Variants in GRM7 observed in about 807,000 individuals in gnomAD.
GRM7 encodes metabotropic glutamate receptor 7.
GRM7 carries 35 observed loss-of-function variants against 84.5 expected under a neutral mutation model. That is an observed-to-expected ratio of 0.41 (90% CI 0.32 to 0.55). GRM7 has a LOEUF of 0.55. Ranked by LOEUF, GRM7 falls within the 20% of genes least tolerant of loss-of-function variation. The probability of loss-of-function intolerance (pLI) is 0.19; values close to 1 mark genes in which losing one functional copy is unlikely to be tolerated. For synonymous variants in GRM7, 487 were observed against 455.1 expected (o/e 1.07, Z -0.89); for missense variants, 1,003 against 1,194.6 (o/e 0.84, Z 2.36).
chr3:6,932,885 G>T (rs1375775845), intron 1 of GRM7, among the ~76,000 whole-genome samples: 2 of 146,374 alleles, frequency 1.4e-5, no homozygotes, highest in African/African-American at 5.0e-5. Context: ...CTCCTGAGTA[G>T]CTGGGATCAC....
At chr3:6,983,740 T>A (rs547891496) in intron 1 of GRM7, among the ~76,000 whole-genome samples, 1 of 152,244 alleles carries the variant, frequency 6.6e-6, no homozygotes, top group African/African-American at 2.4e-5. Flanking sequence ...GTAATAATAT[T>A]ATTTACAAAC....
At chr3:7,735,402 G>A (rs1448821876) in intron 9 of GRM7, among the ~76,000 whole-genome samples, 1 of 152,182 alleles carries the variant, frequency 6.6e-6, no homozygotes, top group Non-Finnish European at 1.5e-5. Flanking sequence ...AGGAGAGGGT[G>A]CAGACAGGAT....
rs979193214 is a variant in GRM7, at chr3:6,862,674, G to A, written c.519+767G>A. ...TCCTGCCACTTCAGACCTCAGCCCAGGGATGAGCTCACGCGAAACGAAATC... is the reference window on the plus strand; with the variant it reads ...TCCTGCCACTTCAGACCTCAGCCCAAGGATGAGCTCACGCGAAACGAAATC... On this transcript the variant is annotated intron_variant, in intron 1 of 9. Coordinates refer to ENST00000357716, the MANE Select transcript of GRM7 (RefSeq NM_000844.4). The surrounding 1 kb of genome is among the most constrained non-coding windows in gnomAD (Gnocchi z 5.2). The A allele has an allele frequency of 7.8e-5, 18 of 230,934 alleles. No individual in the cohort carries two copies. The highest frequency in any genetic ancestry group is 1.4e-4 in the Non-Finnish European group (18 of 124,602). The allele number at this position is 230,934 out of a possible 1,614,324, so 14.3% of individuals were successfully genotyped here. A position where few individuals can be genotyped will look rare whatever the true frequency, so the allele number is the denominator to read the frequency against.
chr3:7,611,267 A>C (rs142055699), intron 8 of GRM7, among the ~76,000 whole-genome samples: 46 of 152,310 alleles, frequency 3.0e-4, no homozygotes, highest in African/African-American at 1.0e-3. Flanking sequence ...AGTGAGTGCT[A>C]ATAATTATTA....
At chr3:7,532,792 C>T (rs1220676390) in intron 7 of GRM7, among the ~76,000 whole-genome samples, 1 of 37,878 alleles carries the variant, frequency 2.6e-5, no homozygotes, top group African/African-American at 1.0e-4. Context: ...ATTTACCAAG[C>T]AAAGGGAAAG....
chr3:7,719,106 G>A (rs1701855664), intron 9 of GRM7, among the ~76,000 whole-genome samples: 1 of 152,096 alleles, frequency 6.6e-6, no homozygotes, highest in Admixed American at 6.6e-5. Flanking sequence ...CCAAGGGTAT[G>A]GTGACTACCC....
At chr3:6,972,381 T>A (rs1018580890) in intron 1 of GRM7, among the ~76,000 whole-genome samples, 20 of 152,168 alleles carry the variant, frequency 1.3e-4, no homozygotes, top group African/African-American at 4.3e-4. Flanking sequence ...CGTCTTCTGA[T>A]AGAGCGCAGA....
intron 2 of GRM7, among the ~76,000 whole-genome samples, chr3:7,260,454 T>G (rs1287623868): frequency 1.3e-5 from 2 of 152,152 alleles, no homozygotes; most frequent in African/African-American, 4.8e-5. Flanking sequence ...GTCCAGGAAT[T>G]TATCCGTTTC....
Position 7,696,798 on chromosome 3 carries a change from G to A in GRM7, c.2698+16503G>A, listed in dbSNP as rs114920960. 7.8e-3 allele frequency among the ~76,000 whole-genome samples: 1,189 copies of A among 152,264 alleles called. 12 individuals are homozygous for A. Among genetic ancestry groups the A allele is most frequent in the African/African-American group, 0.027 (1,135 of 41,550 alleles). ...GGACTGAAGATGGCTATTTTTCAGC[G>A]ATCAGAAGTTTTATGTGAATCGTGA... is the stretch of plus-strand genomic sequence containing the variant. On this transcript the variant is annotated intron_variant, in intron 9 of 9. Coordinates refer to ENST00000357716, the MANE Select transcript of GRM7 (RefSeq NM_000844.4).
At chr3:7,144,550 T>C (rs1457615839) in intron 1 of GRM7, among the ~76,000 whole-genome samples, 1 of 152,148 alleles carries the variant, frequency 6.6e-6, no homozygotes, top group East Asian at 1.9e-4. Flanking sequence ...AATCGATAAC[T>C]TTAGTAAGGA....
intron 1 of GRM7, among the ~76,000 whole-genome samples, chr3:6,999,141 C>A (rs1694925950): frequency 6.6e-6 from 1 of 152,124 alleles, no homozygotes; most frequent in South Asian, 2.1e-4. Context: ...TGCCAGATAC[C>A]TAAATCATCT....
At chr3:7,107,859 C>T (rs1365896139) in intron 1 of GRM7, among the ~76,000 whole-genome samples, 1 of 151,846 alleles carries the variant, frequency 6.6e-6, no homozygotes, top group Non-Finnish European at 1.5e-5. Flanking sequence ...CTTTTAGTAT[C>T]CTGGTTTAAG....
chr3:7,314,312 C>T (rs550683690), intron 4 of GRM7, among the ~76,000 whole-genome samples: 4 of 151,126 alleles, frequency 2.6e-5, no homozygotes, highest in East Asian at 2.0e-4. Context: ...TTCCATCCCC[C>T]GTCTTTCTCC....
intron 1 of GRM7, among the ~76,000 whole-genome samples, chr3:7,055,580 G>A (rs1200052590): frequency 6.6e-6 from 1 of 150,994 alleles, no homozygotes; most frequent in African/African-American, 2.4e-5. Flanking sequence ...GAGTGCAGTG[G>A]CATGATCTTG....
At chr3:7,406,001 A>T (rs1421715440) in intron 4 of GRM7, among the ~76,000 whole-genome samples, 1 of 151,802 alleles carries the variant, frequency 6.6e-6, no homozygotes, top group Non-Finnish European at 1.5e-5. Context: ...AATACTATCA[A>T]AGTATTTTTA....
chr3:6,955,841 C>CAA (rs35751915), intron 1 of GRM7, among the ~76,000 whole-genome samples: 18,146 of 141,146 alleles, frequency 0.13, 1,207 homozygotes, highest in African/African-American at 0.17. Flanking sequence ...GACTCTATCT[C>CAA]AAAAAAAAAA....
intron 2 of GRM7, among the ~76,000 whole-genome samples, chr3:7,276,648 C>A (rs1699068982): frequency 6.6e-6 from 1 of 151,784 alleles, no homozygotes; most frequent in Non-Finnish European, 1.5e-5. Flanking sequence ...TTCAGATGAT[C>A]CCAAACCAAG....
intron 5 of GRM7, among the ~76,000 whole-genome samples, chr3:7,443,141 A>G (rs1024683623): frequency 6.6e-6 from 1 of 152,048 alleles, no homozygotes; most frequent in African/African-American, 2.4e-5. Flanking sequence ...CCAACACAAA[A>G]GCAGAAAGAG....
chr3:7,256,156 G>C (rs556889654), intron 2 of GRM7, among the ~76,000 whole-genome samples: 1 of 152,150 alleles, frequency 6.6e-6, no homozygotes, highest in South Asian at 2.1e-4. Context: ...CCAGAGCTTT[G>C]CTTACTTGTC....
Sources: allele counts gnomAD v4.1 joint callset (sites outside exome capture counted in the v4.1 genomes callset), GRCh38; gene constraint gnomAD v4.1.1; non-coding constraint Gnocchi (gnomAD v3.1); transcripts MANE v1.5; gene names NCBI Gene and HGNC (gene_info 2026-07-23, HGNC 2026-07-21).